BMPR2: variants seen among roughly 807,000 people sequenced by gnomAD.
The protein encoded by BMPR2 is bone morphogenetic protein receptor type 2.
BMPR2 carries 29 observed loss-of-function variants against 100.8 expected under a neutral mutation model. The observed-to-expected ratio is 0.29, with a 90% CI of 0.21 to 0.39. The LOEUF is 0.39. Among genes scored for constraint, BMPR2 ranks in the 10% least tolerant of loss-of-function variants. The probability of loss-of-function intolerance (pLI) is 1.00; values close to 1 mark genes in which losing one functional copy is unlikely to be tolerated. For missense variants in BMPR2, 1,011 were observed against 1,274.5 expected, an observed-to-expected ratio of 0.79 and a Z score of 3.15; for synonymous variants, 382 against 442.3, an observed-to-expected ratio of 0.86 and a Z score of 1.71.
intron 1 of BMPR2, among the ~76,000 whole-genome samples, chr2:202,388,390 C>CCA (rs1225678376): frequency 9.3e-6 from 1 of 106,998 alleles, no homozygotes; most frequent in African/African-American, 4.0e-5. Context: ...GAGCGAGACT[C>CCA]CATCTCAAAA....
At chr2:202,558,662 G>A (rs1029616230) in intron 12 of BMPR2, among the ~76,000 whole-genome samples, 7 of 151,960 alleles carry the variant, frequency 4.6e-5, no homozygotes, top group African/African-American at 9.7e-5. Context: ...GGGAGGCTGA[G>A]GCGGGCGGAT....
chr2:202,465,324 G>A (rs905097505), intron 2 of BMPR2, among the ~76,000 whole-genome samples: 1 of 151,994 alleles, frequency 6.6e-6, no homozygotes, highest in African/African-American at 2.4e-5. Flanking sequence ...GAAGGCAGAG[G>A]TTGTAGTGAG....
At position 202,435,482 on chromosome 2, in the gene BMPR2, C is replaced by G. The variant is rs79708342; in HGVS notation, c.77-29327C>G. Among the ~76,000 whole-genome samples the G allele has an allele frequency of 9.3e-4, 135 of 144,650 alleles. No individual in the cohort carries two copies. In the East Asian group the frequency reaches 0.027, roughly 28 times the overall value. The allele number at this position is 144,650 out of a possible 152,430, so 94.9% of individuals were successfully genotyped here. A position where few individuals can be genotyped will look rare whatever the true frequency, so the allele number is the denominator to read the frequency against. Reference sequence around the variant, plus strand: ...ATTATAAGAGTAAAAATGTTAAAAACAGTTAAACCACAGGTTAAAAAGTTT... The same window carrying G: ...ATTATAAGAGTAAAAATGTTAAAAAGAGTTAAACCACAGGTTAAAAAGTTT... On this transcript the variant is annotated intron_variant, in intron 1 of 12. Coordinates refer to ENST00000374580, the MANE Select transcript of BMPR2 (RefSeq NM_001204.7).
intron 1 of BMPR2, among the ~76,000 whole-genome samples, chr2:202,432,308 A>G (rs1173590153): frequency 6.6e-6 from 1 of 150,818 alleles, no homozygotes; most frequent in African/African-American, 2.5e-5. Flanking sequence ...AACACCAGGT[A>G]ATGATTTATT....
At chr2:202,445,089 A>G (rs1057064315) in intron 1 of BMPR2, among the ~76,000 whole-genome samples, 2 of 150,602 alleles carry the variant, frequency 1.3e-5, no homozygotes, top group African/African-American at 2.5e-5. Context: ...CACCTGGCCT[A>G]GACATTTTTT....
At chr2:202,382,052 G>GTTT (rs915124502) in intron 1 of BMPR2, among the ~76,000 whole-genome samples, 1 of 121,042 alleles carries the variant, frequency 8.3e-6, no homozygotes, top group Non-Finnish European at 1.8e-5. Context: ...ATCAGTTTTT[G>GTTT]TTTTTGTTTT....
chr2:202,451,591 C>T (rs964231935), intron 1 of BMPR2, among the ~76,000 whole-genome samples: 7 of 151,956 alleles, frequency 4.6e-5, no homozygotes, highest in Admixed American at 6.6e-5. Flanking sequence ...CCCAGCTACT[C>T]GGGTGGCTGA....
chr2:202,523,270 A>C (rs906238401), intron 7 of BMPR2, among the ~76,000 whole-genome samples: 5 of 152,242 alleles, frequency 3.3e-5, no homozygotes, highest in African/African-American at 1.2e-4. Context: ...GAACACTTAT[A>C]CATTATTGGT....
chr2:202,512,412 C>T (rs977228395), intron 3 of BMPR2, among the ~76,000 whole-genome samples: 1 of 152,226 alleles, frequency 6.6e-6, no homozygotes, highest in South Asian at 2.1e-4. Flanking sequence ...TTAGACAGGT[C>T]TGTTTATAAG....
At chr2:202,541,984 G>A (rs546889832) in intron 9 of BMPR2, among the ~76,000 whole-genome samples, 24 of 151,868 alleles carry the variant, frequency 1.6e-4, no homozygotes, top group Admixed American at 1.2e-3. Context: ...GGTGGTGTGC[G>A]CCTGTAATCC....
intron 1 of BMPR2, among the ~76,000 whole-genome samples, chr2:202,395,395 G>C (rs1462545645): frequency 6.6e-6 from 1 of 152,114 alleles, no homozygotes; most frequent in African/African-American, 2.4e-5. Context: ...GATCAATTCT[G>C]TTTCCAAATT....
chr2:202,422,013 G>C (rs564350292), intron 1 of BMPR2, among the ~76,000 whole-genome samples: 2 of 151,640 alleles, frequency 1.3e-5, no homozygotes, highest in Non-Finnish European at 2.9e-5. Flanking sequence ...GGTTCAAGCG[G>C]TTCTCCTGCC....
At chr2:202,487,196 C>T (rs1692795386) in intron 3 of BMPR2, among the ~76,000 whole-genome samples, 2 of 152,062 alleles carry the variant, frequency 1.3e-5, no homozygotes, top group Admixed American at 1.3e-4. Flanking sequence ...CTTTATTATG[C>T]ATAAATAAGT....
intron 1 of BMPR2, among the ~76,000 whole-genome samples, chr2:202,412,207 T>G (rs528816954): frequency 2.6e-5 from 4 of 152,288 alleles, no homozygotes; most frequent in Non-Finnish European, 4.4e-5. Flanking sequence ...ATCTTAAATA[T>G]ATTTAAGATG....
At chr2:202,409,090 A>T (rs927923883) in intron 1 of BMPR2, among the ~76,000 whole-genome samples, 12 of 152,210 alleles carry the variant, frequency 7.9e-5, no homozygotes, top group Admixed American at 5.2e-4. Context: ...CACGCCTGTA[A>T]TTCCAACACT....
intron 3 of BMPR2, among the ~76,000 whole-genome samples, chr2:202,512,043 A>T (rs1411969111): frequency 6.6e-6 from 1 of 152,054 alleles, no homozygotes; most frequent in Non-Finnish European, 1.5e-5. Flanking sequence ...AAAGAAAGAA[A>T]AAAGAAAATA....
rs1322110879 is a variant in BMPR2, at chr2:202,444,188, T to C, written c.77-20621T>C. Among the ~76,000 whole-genome samples, 2 of 150,742 alleles carry C rather than the reference T, an allele frequency of 1.3e-5. 1 individual carries two copies. The highest frequency in any genetic ancestry group is 5.0e-5 in the African/African-American group (2 of 40,068). ...TCTTGATTATTTGTCATTTACAATA[T>C]TTAACCTTGCTCAGCAAAATTTTAA... On this transcript the variant is annotated intron_variant, in intron 1 of 12. Transcript: ENST00000374580.
rs1341007138 is a variant in BMPR2 at position 202,376,775 on chromosome 2, C to G, written c.-700C>G. Among the ~76,000 whole-genome samples, 1 of 151,398 alleles carries G rather than the reference C, an allele frequency of 6.6e-6. No individual in the cohort carries two copies. The highest frequency in any genetic ancestry group is 2.4e-5 in the African/African-American group (1 of 41,244). On this transcript the variant is annotated 5_prime_UTR_variant, in exon 1 of 13. Transcript: ENST00000374580. ...CCGGGGCCGCGACCGCGACCCCTCC[C>G]CTCCCCCGCTCCTACCTCTCCTCAG... is the stretch of plus-strand genomic sequence containing the variant.
At chr2:202,521,611 T>C (rs1437721683) in intron 7 of BMPR2, among the ~76,000 whole-genome samples, 1 of 151,956 alleles carries the variant, frequency 6.6e-6, no homozygotes, top group Non-Finnish European at 1.5e-5. Flanking sequence ...TTGAAGAGTT[T>C]CCCTACCTTG....
Sources: gnomAD v4.1 joint callset for allele counts (sites outside exome capture counted in the v4.1 genomes callset) on GRCh38, gnomAD v4.1.1 for gene constraint, MANE v1.5 for transcripts, NCBI Gene and HGNC (gene_info 2026-07-23, HGNC 2026-07-21) for gene names.